Variants in MCC observed in about 807,000 individuals in gnomAD.
The protein encoded by MCC is MCC regulator of Wnt signaling pathway.
In MCC, 90 loss-of-function variants were observed where a neutral mutation model predicts 116.2. The ratio of observed to expected loss-of-function variants is 0.77; its 90% confidence interval spans 0.65 to 0.92. The LOEUF (loss-of-function observed/expected upper bound fraction) is 0.92. MCC is among the 40% of genes least tolerant of loss of function. The pLI is 0.00. For synonymous variants in MCC, 578 were observed against 510.5 expected (o/e 1.13, Z -1.78); for missense variants, 1,516 against 1,312.2 (o/e 1.16, Z -2.40).
intron 3 of MCC, among the ~76,000 whole-genome samples, chr5:113,254,152 G>C (rs568264986): frequency 6.6e-6 from 1 of 152,302 alleles, no homozygotes. Context: ...GCATTGATTG[G>C]TAGAGAGAAA....
intron 3 of MCC, among the ~76,000 whole-genome samples, chr5:113,216,215 G>T (rs1406287473): frequency 2.0e-5 from 3 of 152,132 alleles, no homozygotes; most frequent in Non-Finnish European, 4.4e-5. Context: ...TTTCTGCCTG[G>T]TCCATTACAG....
intron 1 of MCC, among the ~76,000 whole-genome samples, chr5:113,487,375 C>G (rs746104954): frequency 6.6e-6 from 1 of 152,196 alleles, no homozygotes; most frequent in African/African-American, 2.4e-5. Context: ...CCGGTGTCAA[C>G]CATTCAATAG....
At chr5:113,364,968 G>A (rs1768649832) in intron 2 of MCC, among the ~76,000 whole-genome samples, 1 of 152,204 alleles carries the variant, frequency 6.6e-6, no homozygotes, top group Non-Finnish European at 1.5e-5. Flanking sequence ...GACCTGTGAT[G>A]AGAGGGGCTG....
intron 5 of MCC, among the ~76,000 whole-genome samples, chr5:113,140,011 T>A (rs1400995076): frequency 6.6e-6 from 1 of 152,166 alleles, no homozygotes; most frequent in Non-Finnish European, 1.5e-5. Context: ...GAGAAAATAT[T>A]TGCAAACTAT....
intron 3 of MCC, among the ~76,000 whole-genome samples, chr5:113,272,899 G>A (rs566224773): frequency 2.0e-5 from 3 of 152,140 alleles, no homozygotes; most frequent in Admixed American, 6.5e-5. Flanking sequence ...TGATTATCAC[G>A]TGGGTAGGCA....
In MCC at chr5:113,373,692, T is replaced by C. The variant is rs550246746; in HGVS notation, c.415+11276A>G. On this transcript the variant is annotated intron_variant, in intron 2 of 18. Transcript: ENST00000408903. ...TCCTCTATTTCTTTGTTTCATATTT[T>C]CCATGGGTTGGAAAAAAATGGTTAG... is the stretch of plus-strand genomic sequence containing the variant. Among the ~76,000 whole-genome samples the C allele has an allele frequency of 1.4e-4, 21 of 152,314 alleles. No individual in the cohort carries two copies. In the South Asian group the frequency reaches 4.3e-3, roughly 32 times the overall value.
At chr5:113,113,159 A>C (rs1454072872) in intron 6 of MCC, among the ~76,000 whole-genome samples, 2 of 152,232 alleles carry the variant, frequency 1.3e-5, no homozygotes, top group African/African-American at 4.8e-5. Flanking sequence ...AAAGCAATTC[A>C]AAGTGGGAGA....
At chr5:113,192,593 G>A (rs566484918) in intron 3 of MCC, among the ~76,000 whole-genome samples, 1 of 152,338 alleles carries the variant, frequency 6.6e-6, no homozygotes, top group African/African-American at 2.4e-5. Context: ...GAAACTAACA[G>A]TGTGATGTGC....
chr5:113,176,446 A>G lies in MCC; in HGVS notation c.628-25024T>C, dbSNP rs1761339593. ...CTGTCAACAGAATTCTCAGGAAAAG[A>G]CATCTACTATTGAAGCTCTAGCATG... is the stretch of plus-strand genomic sequence containing the variant. On this transcript the variant is annotated intron_variant, in intron 3 of 18. Transcript: ENST00000408903. 2.6e-5 allele frequency among the ~76,000 whole-genome samples: 4 copies of G among 152,352 alleles called. 1 individual carries two copies. In the South Asian group the frequency reaches 8.3e-4, roughly 32 times the overall value.
chr5:113,457,906 A>T (rs1771620851), intron 1 of MCC, among the ~76,000 whole-genome samples: 1 of 151,884 alleles, frequency 6.6e-6, no homozygotes, highest in Non-Finnish European at 1.5e-5. Context: ...TGAATGCACC[A>T]ATCGACACTC....
chr5:113,194,698 G>A (rs1762311881), intron 3 of MCC, among the ~76,000 whole-genome samples: 1 of 152,136 alleles, frequency 6.6e-6, no homozygotes, highest in African/African-American at 2.4e-5. Context: ...GAAGAAAGGG[G>A]AAGGGAAAGG....
At chr5:113,349,826 T>C (rs944353963) in intron 2 of MCC, among the ~76,000 whole-genome samples, 3 of 152,038 alleles carry the variant, frequency 2.0e-5, no homozygotes, top group African/African-American at 2.4e-5. Context: ...TTAGAACTGA[T>C]AGACAAATTC....
chr5:113,415,432 A>G (rs1770117049), intron 1 of MCC, among the ~76,000 whole-genome samples: 1 of 152,102 alleles, frequency 6.6e-6, no homozygotes, highest in Non-Finnish European at 1.5e-5. Flanking sequence ...GTCTTTTCAC[A>G]TAGTCCCGTA....
At chr5:113,132,850 C>A (rs1446219326) in intron 5 of MCC, among the ~76,000 whole-genome samples, 1 of 152,130 alleles carries the variant, frequency 6.6e-6, no homozygotes, top group African/African-American at 2.4e-5. Flanking sequence ...TAGAGTAACT[C>A]CCTTCTTTGC....
chr5:113,447,585 G>A (rs1771259218), intron 1 of MCC, among the ~76,000 whole-genome samples: 1 of 152,128 alleles, frequency 6.6e-6, no homozygotes, highest in South Asian at 2.1e-4. Context: ...AAGAACACAT[G>A]TTCCGTATGA....
chr5:113,354,300 C>G (rs6868141), intron 2 of MCC, among the ~76,000 whole-genome samples: 35,759 of 151,912 alleles, frequency 0.24, 4,328 homozygotes, highest in African/African-American at 0.28. Flanking sequence ...TGAAGGGATC[C>G]CAGTCACGTA....
intron 6 of MCC, 36 bp from the exon 7 acceptor site, chr5:113,104,391 G>A (rs1756612816): frequency 3.2e-6 from 5 of 1,553,042 alleles, no homozygotes; most frequent in African/African-American, 1.4e-5. Context: ...GTTACACAGG[G>A]CAACAAATGC....
intron 3 of MCC, among the ~76,000 whole-genome samples, chr5:113,281,009 C>G (rs944036851): frequency 1.3e-5 from 2 of 152,186 alleles, no homozygotes; most frequent in Non-Finnish European, 2.9e-5. Flanking sequence ...AGCAAATGAC[C>G]AAACTGCTTA....
chr5:113,027,832 C>A (rs1750668867), intron 18 of MCC, among the ~76,000 whole-genome samples: 1 of 152,216 alleles, frequency 6.6e-6, no homozygotes, highest in Non-Finnish European at 1.5e-5. Context: ...TCCATGGTTG[C>A]TTGCAACATA....
Sources: allele counts gnomAD v4.1 joint callset (sites outside exome capture counted in the v4.1 genomes callset), GRCh38; gene constraint gnomAD v4.1.1; transcripts MANE v1.5; gene names NCBI Gene and HGNC (gene_info 2026-07-23, HGNC 2026-07-21).